PON2: variants seen among roughly 807,000 people sequenced by gnomAD.
The protein encoded by PON2 is serum paraoxonase/arylesterase 2.
A neutral mutation model predicts 36.6 loss-of-function variants in PON2; 27 were observed. The observed-to-expected ratio is 0.74, with a 90% CI of 0.54 to 1.02. The LOEUF (loss-of-function observed/expected upper bound fraction) is 1.02. Ranked by LOEUF, PON2 falls within the 50% of genes least tolerant of loss-of-function variation. The pLI is 0.00. For missense variants in PON2, 363 were observed against 421.1 expected (o/e 0.86, Z 1.21); for synonymous variants, 149 against 156.3 (o/e 0.95, Z 0.35).
At chr7:95,415,959 TA>T in intron 3 of PON2, 19 of 496,264 alleles carry the variant, frequency 3.8e-5, no homozygotes, top group East Asian at 8.1e-5. Context: ...TCTCAAAAAA[TA>T]AAAAAAATTA....
chr7:95,420,318 A>G (rs899477805), intron 2 of PON2, among the ~76,000 whole-genome samples: 6 of 152,232 alleles, frequency 3.9e-5, no homozygotes, highest in African/African-American at 1.4e-4. Flanking sequence ...CAGTCCACTC[A>G]AATTTTGAAG....
At chr7:95,431,925 A>G (rs1246595596) in intron 1 of PON2, among the ~76,000 whole-genome samples, 2 of 152,100 alleles carry the variant, frequency 1.3e-5, no homozygotes, top group African/African-American at 4.8e-5. Flanking sequence ...AAAAAAAAAA[A>G]AAAAATCCAT....
rs139429527 is a variant in PON2 at position 95,411,342 on chromosome 7, G to A, written c.494+311C>T. ...GGGTGACAGCAGGAAAAAATGTTAG[G>A]GTTTGCCTTCTACCCTCAAGATGGG... On this transcript the variant is annotated intron_variant, in intron 5 of 8. Transcript: ENST00000222572. Among the ~76,000 whole-genome samples, 1,327 of 152,240 alleles carry A rather than the reference G, an allele frequency of 8.7e-3. 7 individuals are homozygous for A. Among genetic ancestry groups the A allele is most frequent in the Non-Finnish European group, 0.012 (834 of 68,018 alleles).
chr7:95,409,202 C>G (rs1809794053), intron 6 of PON2, among the ~76,000 whole-genome samples: 2 of 152,062 alleles, frequency 1.3e-5, no homozygotes, highest in Non-Finnish European at 2.9e-5. Context: ...ATCCCAGCTA[C>G]TTGGGAGGCT....
At chr7:95,409,504 G>A (rs1235243882) in intron 6 of PON2, 1 of 153,160 alleles carries the variant, frequency 6.5e-6, no homozygotes, top group Non-Finnish European at 1.4e-5. Context: ...ATAATGTATA[G>A]CCAATAAAAA....
chr7:95,423,771 A>G (rs898789632), intron 2 of PON2, among the ~76,000 whole-genome samples: 1 of 152,176 alleles, frequency 6.6e-6, no homozygotes, highest in Non-Finnish European at 1.5e-5. Context: ...TTTATAAAGG[A>G]AAGAGGTTTA....
intron 2 of PON2, among the ~76,000 whole-genome samples, chr7:95,421,197 C>T (rs1339148769): frequency 1.3e-5 from 2 of 152,170 alleles, no homozygotes; most frequent in Non-Finnish European, 2.9e-5. Context: ...CAAACATAGA[C>T]AGATGCCTGT....
chr7:95,423,029 G>A (rs1309862858), intron 2 of PON2, among the ~76,000 whole-genome samples: 2 of 152,060 alleles, frequency 1.3e-5, no homozygotes, highest in East Asian at 3.9e-4. Context: ...CATATCTAAG[G>A]AAAGCCAATA....
At chr7:95,416,393 G>T (rs1346465956) in intron 2 of PON2, 96 bp from the exon 3 acceptor site, 1 of 1,339,620 alleles carries the variant, frequency 7.5e-7, no homozygotes, top group Non-Finnish European at 1.1e-6. Flanking sequence ...CAGAGTGACT[G>T]TATCTTTAGG....
chr7:95,416,068 T>TC, intron 3 of PON2, 174 bp downstream of exon 3: 1 of 1,212,416 alleles, frequency 8.2e-7, no homozygotes, highest in South Asian at 1.5e-5. Context: ...CAAAGAGTCT[T>TC]CATCTCTACA....
chr7:95,416,507 T>G, intron 2 of PON2: 1 of 597,436 alleles, frequency 1.7e-6, no homozygotes, highest in Non-Finnish European at 2.9e-6. Flanking sequence ...ATATTTTATG[T>G]TTACTCAAAT....
In PON2 at chr7:95,412,436, CT is replaced by C; in HGVS notation, c.242del (p.Lys81SerfsTer6). On this transcript the variant is annotated frameshift_variant, in exon 4 of 9. Coordinates refer to ENST00000222572, the MANE Select transcript of PON2 (RefSeq NM_000305.3). LOFTEE classifies it high-confidence loss of function. ...FPGLHSFAPD[K>X]PGGILMMDLK... is the part of the protein sequence containing the mutation. ...GATCCATCATTAGTATTCCTCCAGG[CT>C]TATCTGGTGCAAAGCTGTGGAGTCC... The C allele has an allele frequency of 6.2e-7, 1 of 1,614,102 alleles. No homozygotes were observed. The highest frequency in any genetic ancestry group is 8.5e-7 in the Non-Finnish European group (1 of 1,180,002).
chr7:95,410,219 G>C, intron 5 of PON2, 118 bp from the exon 6 acceptor site: 1 of 853,200 alleles, frequency 1.2e-6, no homozygotes, highest in South Asian at 1.5e-5. Flanking sequence ...AAGAGGAAAA[G>C]ACGAGCTAAA....
rs111991069 is a variant in PON2, at chr7:95,429,095, A to G, written c.75-4510T>C. ...CATGTGCACAACGTGCAGGTTTGTT[A>G]CATATGTATACATGTGCCATGTTGG... On this transcript the variant is annotated intron_variant, in intron 1 of 8. Coordinates refer to ENST00000222572, the MANE Select transcript of PON2 (RefSeq NM_000305.3). Among the ~76,000 whole-genome samples, 5 of 151,738 alleles carry G rather than the reference A, an allele frequency of 3.3e-5. 1 individual carries two copies. Among genetic ancestry groups the G allele is most frequent in the African/African-American group, 1.2e-4 (5 of 41,314 alleles).
chr7:95,415,911 C>A, intron 3 of PON2: 1 of 320,618 alleles, frequency 3.1e-6, no homozygotes, highest in Non-Finnish European at 5.9e-6. Flanking sequence ...GAGATCATGC[C>A]ACTGCACTCC....
chr7:95,422,411 C>T (rs1313518664), intron 2 of PON2, among the ~76,000 whole-genome samples: 2 of 152,098 alleles, frequency 1.3e-5, no homozygotes, highest in Non-Finnish European at 2.9e-5. Flanking sequence ...TTTTTATTTA[C>T]TTTCCATTTT....
intron 2 of PON2, chr7:95,418,108 G>T (rs536727724): frequency 6.6e-6 from 1 of 151,904 alleles, no homozygotes; most frequent in South Asian, 2.1e-4. Flanking sequence ...TCTTCTCCCC[G>T]TCATCATTTC....
Position 95,412,439 on chromosome 7 carries a change from A to T in PON2, c.240T>A (p.Asp80Glu), listed in dbSNP as rs754642317. The change falls in exon 4 of 9, where the codon GAT (aspartate) becomes GAA (glutamate). Residue 80 changes from aspartate to glutamate, a missense_variant. By Grantham distance (45) the Asp-to-Glu change is conservative. Coordinates refer to ENST00000222572, the MANE Select transcript of PON2 (RefSeq NM_000305.3). ...CCATCATTAGTATTCCTCCAGGCTTATCTGGTGCAAAGCTGTGGAGTCCTG... is the reference window on the plus strand; with the variant it reads ...CCATCATTAGTATTCCTCCAGGCTTTTCTGGTGCAAAGCTGTGGAGTCCTG... ...KFPGLHSFAP[D>E]KPGGILMMDL... 6.2e-7 allele frequency: 1 copy of T among 1,614,068 alleles called. No homozygotes were observed. The highest frequency in any genetic ancestry group is 8.5e-7 in the Non-Finnish European group (1 of 1,179,978).
chr7:95,425,334 A>C (rs1489042864), intron 1 of PON2, among the ~76,000 whole-genome samples: 1 of 152,178 alleles, frequency 6.6e-6, no homozygotes, highest in Non-Finnish European at 1.5e-5. Flanking sequence ...AATTAAAAGA[A>C]GGAAATAATA....
Sources: gnomAD v4.1 joint callset for allele counts (sites outside exome capture counted in the v4.1 genomes callset) on GRCh38, gnomAD v4.1.1 for gene constraint, MANE v1.5 for transcripts, NCBI Gene and HGNC (gene_info 2026-07-23, HGNC 2026-07-21) for gene names.